The following ADGRG6 variants were observed in gnomAD, a reference collection of about 807,000 sequenced individuals.
ADGRG6 encodes adhesion G protein-coupled receptor G6.
In ADGRG6, 84 loss-of-function variants were observed where a neutral mutation model predicts 142.4. That is an observed-to-expected ratio of 0.59 (90% CI 0.49 to 0.71). The LOEUF (loss-of-function observed/expected upper bound fraction) is 0.71. ADGRG6 is among the 30% of genes least tolerant of loss of function. The probability of loss-of-function intolerance (pLI) is 0.00; values close to 1 mark genes in which losing one functional copy is unlikely to be tolerated. For missense variants in ADGRG6, 1,367 were observed against 1,466.6 expected, an observed-to-expected ratio of 0.93 and a Z score of 1.11; for synonymous variants, 521 against 520.5, an observed-to-expected ratio of 1.00 and a Z score of -0.01.
chr6:142,378,405 T>C (rs1403926957), intron 4 of ADGRG6, among the ~76,000 whole-genome samples: 3 of 152,298 alleles, frequency 2.0e-5, no homozygotes, highest in African/African-American at 7.2e-5. Flanking sequence ...CTACAGAGGC[T>C]GAGATTTCAT....
At chr6:142,321,089 T>C (rs1407019331) in intron 2 of ADGRG6, among the ~76,000 whole-genome samples, 1 of 151,958 alleles carries the variant, frequency 6.6e-6, no homozygotes, top group East Asian at 1.9e-4. Flanking sequence ...AACCATAACT[T>C]AATTTTTGAA....
chr6:142,372,994 G>A (rs536401279), intron 4 of ADGRG6, among the ~76,000 whole-genome samples: 1 of 152,266 alleles, frequency 6.6e-6, no homozygotes, highest in Non-Finnish European at 1.5e-5. Context: ...CACACATTTT[G>A]TACTAAATGT....
At chr6:142,349,597 A>G (rs1048234327) in intron 2 of ADGRG6, among the ~76,000 whole-genome samples, 1 of 152,248 alleles carries the variant, frequency 6.6e-6, no homozygotes, top group African/African-American at 2.4e-5. Flanking sequence ...GAATGAGTAC[A>G]GTGTCGAAGA....
At chr6:142,305,226 CAG>C (rs1254054014) in intron 1 of ADGRG6, among the ~76,000 whole-genome samples, 2 of 152,072 alleles carry the variant, frequency 1.3e-5, no homozygotes, top group African/African-American at 4.8e-5. Context: ...GACATGAAAA[CAG>C]TGATATGTTT....
intron 2 of ADGRG6, among the ~76,000 whole-genome samples, chr6:142,310,548 A>C (rs1777715720): frequency 6.6e-6 from 1 of 151,778 alleles, no homozygotes; most frequent in South Asian, 2.1e-4. Context: ...ATCATAAAGA[A>C]TACATTTTAA....
chr6:142,393,849 TG>T, intron 8 of ADGRG6, 46 bp from the exon 9 acceptor site: 1 of 1,112,778 alleles, frequency 9.0e-7, no homozygotes. Flanking sequence ...TTGTTGATGA[TG>T]TAGTTGGTGA....
At chr6:142,316,635 A>C (rs910859213) in intron 2 of ADGRG6, among the ~76,000 whole-genome samples, 4 of 152,146 alleles carry the variant, frequency 2.6e-5, no homozygotes, top group African/African-American at 9.7e-5. Flanking sequence ...GACATTATGT[A>C]CAATTGATAC....
chr6:142,327,656 T>C (rs1358276008), intron 2 of ADGRG6, among the ~76,000 whole-genome samples: 1 of 152,156 alleles, frequency 6.6e-6, no homozygotes, highest in Non-Finnish European at 1.5e-5. Context: ...TTATTCATCC[T>C]ATTTGGGAAG....
At chr6:142,398,695 A>G (rs1468463026) in intron 10 of ADGRG6, among the ~76,000 whole-genome samples, 3 of 152,068 alleles carry the variant, frequency 2.0e-5, no homozygotes, top group Non-Finnish European at 2.9e-5. Context: ...ATTATCACCT[A>G]TGTATTTTTA....
At chr6:142,348,647 T>A (rs1019114056) in intron 2 of ADGRG6, among the ~76,000 whole-genome samples, 1 of 151,690 alleles carries the variant, frequency 6.6e-6, no homozygotes. Context: ...TTTTAGATAT[T>A]TAGACTTCAT....
rs752216230 is a variant in ADGRG6 at position 142,370,430 on chromosome 6, G to A, written c.706G>A (p.Ala236Thr). The A allele has an allele frequency of 2.5e-6, 4 of 1,613,576 alleles. No individual in the cohort carries two copies. The highest frequency in any genetic ancestry group is 4.5e-5 in the East Asian group (2 of 44,866). ...ISDSKCLLNN[A>T]LPVKEKEDIF... ...TGATTCAAAATGTTTGTTGAATAAT[G>A]CATTACCTGTCAAAGAAAAAGAAGA... The change falls in exon 4 of 25, where the codon GCA (alanine) becomes ACA (threonine). Residue 236 changes from alanine to threonine, a missense_variant. Around this residue, in one of 3 missense-constraint regions of ADGRG6, gnomAD observed 737 missense variants for 746.5 expected, o/e 0.99. Coordinates refer to ENST00000367609, the MANE Select transcript of ADGRG6 (RefSeq NM_198569.3).
chr6:142,311,926 C>G (rs2114526353), intron 2 of ADGRG6, among the ~76,000 whole-genome samples: 1 of 152,122 alleles, frequency 6.6e-6, no homozygotes, highest in East Asian at 1.9e-4. Flanking sequence ...TTCTCTCCTA[C>G]TCTCACTATT....
chr6:142,335,514 C>A (rs774651111), intron 2 of ADGRG6, among the ~76,000 whole-genome samples: 4 of 151,990 alleles, frequency 2.6e-5, no homozygotes, highest in Non-Finnish European at 5.9e-5. Flanking sequence ...AATGGAAATA[C>A]GTGGAGAGAA....
intron 10 of ADGRG6, among the ~76,000 whole-genome samples, chr6:142,400,233 T>A (rs1775438132): frequency 6.6e-6 from 1 of 152,220 alleles, no homozygotes; most frequent in African/African-American, 2.4e-5. Context: ...TATACTTACA[T>A]AACTGTGTTT....
chr6:142,320,523 T>C (rs144533505), intron 2 of ADGRG6, among the ~76,000 whole-genome samples: 1 of 152,256 alleles, frequency 6.6e-6, no homozygotes, highest in East Asian at 1.9e-4. Context: ...ACAATGTTCC[T>C]TTACAGTCAG....
intron 4 of ADGRG6, among the ~76,000 whole-genome samples, chr6:142,381,125 G>T (rs1039180477): frequency 6.6e-6 from 1 of 152,136 alleles, no homozygotes; most frequent in African/African-American, 2.4e-5. Context: ...TGTATCTTTT[G>T]TTAGCTCATG....
intron 1 of ADGRG6, among the ~76,000 whole-genome samples, chr6:142,303,517 T>G (rs75830138): frequency 1.8e-4 from 27 of 152,336 alleles, no homozygotes; most frequent in Non-Finnish European, 3.2e-4. Context: ...GCATGTGAAA[T>G]AATTCCACAC....
intron 4 of ADGRG6, among the ~76,000 whole-genome samples, chr6:142,373,264 A>G (rs558168976): frequency 1.9e-3 from 285 of 151,852 alleles, no homozygotes; most frequent in Non-Finnish European, 2.1e-3. Context: ...ATTTAGTACC[A>G]GGATAGGCTA....
At chr6:142,369,707 A>G (rs1184003873) in intron 3 of ADGRG6, among the ~76,000 whole-genome samples, 3 of 152,244 alleles carry the variant, frequency 2.0e-5, no homozygotes, top group Non-Finnish European at 4.4e-5. Context: ...CAGTACAGGA[A>G]TGTTTGGAAA....
Sources: allele counts gnomAD v4.1 joint callset (sites outside exome capture counted in the v4.1 genomes callset), GRCh38; gene constraint gnomAD v4.1.1; regional missense constraint gnomAD v4.1.1; transcripts MANE v1.5; gene names NCBI Gene and HGNC (gene_info 2026-07-23, HGNC 2026-07-21).